The following GRXCR1 variants were observed in gnomAD, a reference collection of about 807,000 sequenced individuals.
The protein encoded by GRXCR1 is glutaredoxin domain-containing cysteine-rich protein 1.
A neutral mutation model predicts 27.3 loss-of-function variants in GRXCR1; 27 were observed. The observed-to-expected ratio is 0.99, with a 90% CI of 0.73 to 1.37. The LOEUF (loss-of-function observed/expected upper bound fraction) is 1.37. Ranked by LOEUF, GRXCR1 falls within the 40% of genes most tolerant of loss-of-function variation. The probability of loss-of-function intolerance (pLI) is 0.00; values close to 1 mark genes in which losing one functional copy is unlikely to be tolerated. For synonymous variants in GRXCR1, 122 were observed against 131.1 expected (o/e 0.93, Z 0.47); for missense variants, 379 against 354.4 (o/e 1.07, Z -0.56).
intron 2 of GRXCR1, among the ~76,000 whole-genome samples, chr4:42,996,347 T>G (rs1033922596): frequency 6.6e-6 from 1 of 152,126 alleles, no homozygotes; most frequent in Non-Finnish European, 1.5e-5. Context: ...AGGATAGAAA[T>G]AGCTTTGGTT....
At chr4:42,942,135 G>A (rs769859462) in intron 1 of GRXCR1, among the ~76,000 whole-genome samples, 7 of 151,868 alleles carry the variant, frequency 4.6e-5, no homozygotes, top group Non-Finnish European at 1.0e-4. Flanking sequence ...CTGATAGTAG[G>A]CATGGTAACA....
chr4:42,939,475 A>T (rs1421794357), intron 1 of GRXCR1, among the ~76,000 whole-genome samples: 2 of 151,922 alleles, frequency 1.3e-5, no homozygotes, highest in African/African-American at 4.8e-5. Flanking sequence ...CCTCCTTTCC[A>T]ATTTGGATGA....
At chr4:42,977,448 G>A (rs1054851208) in intron 2 of GRXCR1, among the ~76,000 whole-genome samples, 2 of 151,850 alleles carry the variant, frequency 1.3e-5, no homozygotes, top group African/African-American at 2.4e-5. Flanking sequence ...ATGTGCAAGT[G>A]TTCCTTTACT....
intron 1 of GRXCR1, among the ~76,000 whole-genome samples, chr4:42,898,673 C>A (rs1423776973): frequency 6.6e-6 from 1 of 151,938 alleles, no homozygotes; most frequent in Non-Finnish European, 1.5e-5. Context: ...GATATTTATT[C>A]CTTACAACAA....
At chr4:42,984,932 G>A (rs1711659001) in intron 2 of GRXCR1, among the ~76,000 whole-genome samples, 2 of 152,128 alleles carry the variant, frequency 1.3e-5, no homozygotes, top group South Asian at 4.1e-4. Context: ...CTGAGGCTGA[G>A]GGAGGCTACC....
At chr4:42,935,943 A>G (rs531559300) in intron 1 of GRXCR1, among the ~76,000 whole-genome samples, 6 of 151,912 alleles carry the variant, frequency 3.9e-5, no homozygotes, top group South Asian at 4.1e-4. Flanking sequence ...AAAGGGGGGA[A>G]TGTAATATTT....
intron 1 of GRXCR1, among the ~76,000 whole-genome samples, chr4:42,956,464 T>G (rs1169077985): frequency 6.6e-6 from 1 of 151,994 alleles, no homozygotes; most frequent in East Asian, 1.9e-4. Context: ...TTTTTTTTTT[T>G]TTGCCAAAGG....
intron 2 of GRXCR1, among the ~76,000 whole-genome samples, chr4:42,990,230 C>T (rs1374144874): frequency 4.6e-4 from 45 of 98,816 alleles, no homozygotes; most frequent in African/African-American, 1.7e-3. Context: ...CTCGCTCTGT[C>T]GCCCAGGCTG....
At chr4:43,018,993 T>C (rs1444097593) in intron 2 of GRXCR1, among the ~76,000 whole-genome samples, 1 of 152,188 alleles carries the variant, frequency 6.6e-6, no homozygotes, top group African/African-American at 2.4e-5. Flanking sequence ...AATGTATCAG[T>C]TTGACATTTT....
chr4:42,950,806 C>T (rs1243193468), intron 1 of GRXCR1, among the ~76,000 whole-genome samples: 4 of 152,110 alleles, frequency 2.6e-5, no homozygotes, highest in Non-Finnish European at 4.4e-5. Context: ...CATACCACTA[C>T]TATATTAGTC....
intron 1 of GRXCR1, among the ~76,000 whole-genome samples, chr4:42,894,061 G>A (rs1166366247): frequency 6.6e-6 from 1 of 152,096 alleles, no homozygotes; most frequent in Admixed American, 6.6e-5. Context: ...ACCAGAAAAT[G>A]TTGAGTGCAT....
intron 1 of GRXCR1, among the ~76,000 whole-genome samples, chr4:42,962,509 T>C (rs1748148273): frequency 6.6e-6 from 1 of 151,964 alleles, no homozygotes; most frequent in Non-Finnish European, 1.5e-5. Context: ...CATTATAACC[T>C]TGACTATTCT....
chr4:43,001,868 T>C (rs1484712674), intron 2 of GRXCR1, among the ~76,000 whole-genome samples: 1 of 151,936 alleles, frequency 6.6e-6, no homozygotes, highest in African/African-American at 2.4e-5. Flanking sequence ...AGCAGGGTGA[T>C]AATAAGGAGA....
chr4:43,009,421 A>G (rs1712668303), intron 2 of GRXCR1, among the ~76,000 whole-genome samples: 1 of 152,084 alleles, frequency 6.6e-6, no homozygotes. Context: ...TCCTCATCCT[A>G]TCTCTATCTA....
Position 42,941,886 on chromosome 4 carries a change from T to C in GRXCR1, c.385-21006T>C, listed in dbSNP as rs145257413. Among the ~76,000 whole-genome samples, 418 of 152,162 alleles carry C rather than the reference T, an allele frequency of 2.7e-3. 9 individuals are homozygous for C. Among genetic ancestry groups the C allele is most frequent in the Non-Finnish European group, 9.6e-4 (65 of 67,992 alleles). ...CAAACAGAGTTAAGGTATGTGGCAA[T>C]ATCCATTTTCCCTCTTTAAAAAAAA... On this transcript the variant is annotated intron_variant, in intron 1 of 3. Coordinates refer to ENST00000399770, the MANE Select transcript of GRXCR1 (RefSeq NM_001080476.3).
At chr4:43,024,099 T>C (rs1178810948) in intron 3 of GRXCR1, among the ~76,000 whole-genome samples, 2 of 151,550 alleles carry the variant, frequency 1.3e-5, no homozygotes, top group Non-Finnish European at 2.9e-5. Context: ...GCAGAGAAGC[T>C]CCAAGTAAGC....
chr4:42,982,713 A>C (rs1711530561), intron 2 of GRXCR1, among the ~76,000 whole-genome samples: 1 of 143,948 alleles, frequency 6.9e-6, no homozygotes, highest in Non-Finnish European at 1.5e-5. Context: ...CCTCTCCAGC[A>C]CCTGTTGTTT....
intron 2 of GRXCR1, among the ~76,000 whole-genome samples, chr4:42,972,197 TG>T (rs1748404811): frequency 6.6e-6 from 1 of 152,146 alleles, no homozygotes; most frequent in South Asian, 2.1e-4. Flanking sequence ...TATTTAACTA[TG>T]GAACTGATGA....
At chr4:43,021,633 A>AT (rs771048859) in intron 3 of GRXCR1, among the ~76,000 whole-genome samples, 1 of 152,238 alleles carries the variant, frequency 6.6e-6, no homozygotes, top group African/African-American at 2.4e-5. Context: ...ACTCAAAATC[A>AT]TTTTTTATCA....
Sources: gnomAD v4.1 joint callset for allele counts (sites outside exome capture counted in the v4.1 genomes callset) on GRCh38, gnomAD v4.1.1 for gene constraint, MANE v1.5 for transcripts, NCBI Gene and HGNC (gene_info 2026-07-23, HGNC 2026-07-21) for gene names.